Variants in ARID3A observed in about 807,000 individuals in gnomAD.
ARID3A encodes AT-rich interactive domain-containing protein 3A.
In ARID3A, 11 loss-of-function variants were observed where a neutral mutation model predicts 52.7. The observed-to-expected ratio is 0.21, with a 90% CI of 0.13 to 0.35. The LOEUF (loss-of-function observed/expected upper bound fraction) is 0.35, where lower values mean the gene tolerates loss of function less well. ARID3A is among the 10% of genes least tolerant of loss of function. The pLI, the probability that ARID3A is intolerant of heterozygous loss-of-function variation, is 1.00. For synonymous variants in ARID3A, 404 were observed against 359.4 expected (o/e 1.12, Z -1.40); for missense variants, 721 against 838.5 (o/e 0.86, Z 1.73).
chr19:939,891 C>T (rs986374840), intron 3 of ARID3A, among the ~76,000 whole-genome samples: 3 of 152,066 alleles, frequency 2.0e-5, no homozygotes, highest in East Asian at 1.9e-4. Flanking sequence ...ATCGGCAACA[C>T]GTTTTCTTCG....
chr19:963,924 G>T (rs925640160), intron 4 of ARID3A, among the ~76,000 whole-genome samples: 6 of 152,204 alleles, frequency 3.9e-5, no homozygotes, highest in African/African-American at 1.4e-4. Context: ...TGTGTGGCGT[G>T]GAGAAGGAAT....
In ARID3A at chr19:974,271, G is replaced by A. The variant is rs541409286; in HGVS notation, c.*2206G>A. ...CTTCCTTCTCGGATCTCAGGGCCGT[G>A]GACACACACCCCCTTTCCAGGAGGG... On this transcript the variant is annotated 3_prime_UTR_variant, in exon 9 of 9. Transcript: ENST00000263620. 1 of 228,158 alleles carries A rather than the reference G, an allele frequency of 4.4e-6. No homozygotes were observed. Among genetic ancestry groups the A allele is most frequent in the East Asian group, 6.2e-5 (1 of 16,024 alleles). The allele number at this position is 228,158 out of a possible 1,614,324, so 14.1% of individuals were successfully genotyped here.
intron 3 of ARID3A, among the ~76,000 whole-genome samples, chr19:937,271 C>T (rs561048145): frequency 6.6e-6 from 1 of 152,248 alleles, no homozygotes; most frequent in East Asian, 1.9e-4. Context: ...CTCAGAAAAA[C>T]AAGAACAAAG....
chr19:958,536 T>G (rs1027930235), intron 3 of ARID3A, among the ~76,000 whole-genome samples: 1 of 152,128 alleles, frequency 6.6e-6, no homozygotes, highest in Non-Finnish European at 1.5e-5. Flanking sequence ...GGGAACTTAC[T>G]GACATACAAT....
chr19:932,398 C>G lies in ARID3A; in HGVS notation c.369-20C>G. On this transcript the variant is annotated intron_variant, in intron 2 of 8. Coordinates refer to ENST00000263620, the MANE Select transcript of ARID3A (RefSeq NM_005224.3). ...GAGCCAGCACCTTCTCCCCTGACTC[C>G]TGCCCTCTGCTCACCCCAGGAAGCC... The G allele has an allele frequency of 8.2e-6, 13 of 1,593,074 alleles. No individual in the cohort carries two copies. The highest frequency in any genetic ancestry group is 1.1e-5 in the Non-Finnish European group (13 of 1,174,672).
At chr19:957,114 G>T (rs553640273) in intron 3 of ARID3A, among the ~76,000 whole-genome samples, 2 of 904 alleles carry the variant, frequency 2.2e-3, no homozygotes, top group African/African-American at 4.5e-3. Context: ...ACCTGTGGGT[G>T]GGGGGGGGCG....
chr19:968,044 CAA>C (rs34215155), intron 7 of ARID3A, among the ~76,000 whole-genome samples: 1 of 123,528 alleles, frequency 8.1e-6, no homozygotes, highest in Non-Finnish European at 1.6e-5. Context: ...GACTCCGTCT[CAA>C]AAAAAAAAAA....
chr19:933,065 T>C (rs903240395), intron 3 of ARID3A, among the ~76,000 whole-genome samples: 1 of 152,024 alleles, frequency 6.6e-6, no homozygotes, highest in Non-Finnish European at 1.5e-5. Flanking sequence ...CGGCCCGAGC[T>C]GGGCTTGGGT....
rs1568355573 is a variant in ARID3A, at chr19:932,512, G to A, written c.463G>A (p.Asp155Asn). 2 of 1,543,504 alleles carry A rather than the reference G, an allele frequency of 1.3e-6. No homozygotes were observed. The highest frequency in any genetic ancestry group is 2.3e-5 in the Admixed American group (1 of 44,246). ...EDYEDEEEEE[D>N]EEGLGPPGPA... Reference sequence around the variant, plus strand: ...TTACGAGGATGAGGAGGAGGAGGAGGACGAGGAGGGGCTGGGCCCCCCAGG... The same window carrying A: ...TTACGAGGATGAGGAGGAGGAGGAGAACGAGGAGGGGCTGGGCCCCCCAGG... Residue 155 changes from aspartate (D) to asparagine (N), a missense_variant, in exon 3 of 9, where the codon GAC (aspartate) becomes AAC (asparagine). Physicochemically the swap from Asp to Asn is conservative, Grantham distance 23 (BLOSUM62 1). Around this residue, in one of 5 missense-constraint regions of ARID3A, gnomAD observed 349 missense variants for 297.3 expected, o/e 1.17. Coordinates refer to ENST00000263620, the MANE Select transcript of ARID3A (RefSeq NM_005224.3).
At position 950,915 on chromosome 19, in the gene ARID3A, C is replaced by T. The variant is rs372200951; in HGVS notation, c.694-9177C>T. Among the ~76,000 whole-genome samples the T allele has an allele frequency of 2.5e-3, 384 of 152,138 alleles. 1 individual carries two copies. The highest frequency in any genetic ancestry group is 8.8e-3 in the African/African-American group (364 of 41,534). ...TCAGCTCACCACAACCTCTGCCTCC[C>T]GGGTTCAAACTATTCTCCTGCCTCA... is the stretch of plus-strand genomic sequence containing the variant. On this transcript the variant is annotated intron_variant, in intron 3 of 8. Transcript: ENST00000263620.
In ARID3A at chr19:973,360, C is replaced by A; in HGVS notation, c.*1295C>A. The stretch of plus-strand genomic sequence containing the variant: ...AACTCCTGACCTCAGGTGATCTGCC[C>A]GCCTTGGCCTCCCAAAGTGCTGGGA... On this transcript the variant is annotated 3_prime_UTR_variant, in exon 9 of 9. Transcript: ENST00000263620. The A allele has an allele frequency of 5.5e-6, 1 of 181,990 alleles. No individual in the cohort carries two copies. Among genetic ancestry groups the A allele is most frequent in the Non-Finnish European group, 1.2e-5 (1 of 85,444 alleles). 11.3% of individuals were successfully genotyped at this position (181,990 alleles called of 1,614,324 possible).
intron 6 of ARID3A, 121 bp downstream of exon 6, chr19:965,201 TG>T: frequency 1.7e-6 from 2 of 1,199,782 alleles, no homozygotes; most frequent in Non-Finnish European, 2.3e-6. Flanking sequence ...ATAGTTGGCA[TG>T]GAAAAGGGCT....
intron 1 of ARID3A, among the ~76,000 whole-genome samples, chr19:926,591 C>G (rs1299157413): frequency 6.6e-6 from 1 of 151,790 alleles, no homozygotes; most frequent in Admixed American, 6.5e-5. Context: ...TAGTTCCCGG[C>G]GAGCCTCCCC....
rs2037578701 is a variant in ARID3A at position 942,526 on chromosome 19, G to C, written c.693+9784G>C. Among the ~76,000 whole-genome samples the C allele has an allele frequency of 6.6e-6, 1 of 152,250 alleles. No homozygotes were observed. The highest frequency in any genetic ancestry group is 2.1e-4 in the South Asian group (1 of 4,838). On this transcript the variant is annotated intron_variant, in intron 3 of 8. Coordinates refer to ENST00000263620, the MANE Select transcript of ARID3A (RefSeq NM_005224.3). This position sits in a 1 kb window ranked among gnomAD's most constrained non-coding sequence, Gnocchi z 8.1. ...GCCAGAGGACAATTGGGGGTCACAG[G>C]GTTAAACGCTGACTAATCTGGCCAT...
At chr19:971,486 T>A (rs978680520) in intron 8 of ARID3A, among the ~76,000 whole-genome samples, 1 of 151,936 alleles carries the variant, frequency 6.6e-6, no homozygotes, top group African/African-American at 2.4e-5. Flanking sequence ...GGCAGGCGCC[T>A]GTAGTTAGTC....
rs1377507921 is a variant in ARID3A at position 942,427 on chromosome 19, C to G, written c.693+9685C>G. ...CCGGGAGCCGGGCCGGGAGCCGCTGCGGTGCCGACCTGGTGGGTGGCACAC... is the reference window on the plus strand; with the variant it reads ...CCGGGAGCCGGGCCGGGAGCCGCTGGGGTGCCGACCTGGTGGGTGGCACAC... On this transcript the variant is annotated intron_variant, in intron 3 of 8. Coordinates refer to ENST00000263620, the MANE Select transcript of ARID3A (RefSeq NM_005224.3). The surrounding 1 kb of genome is among the most constrained non-coding windows in gnomAD (Gnocchi z 8.1). Among the ~76,000 whole-genome samples the G allele has an allele frequency of 2.6e-5, 4 of 152,198 alleles. No homozygotes were observed. The highest frequency in any genetic ancestry group is 5.9e-5 in the Non-Finnish European group (4 of 68,022).
chr19:926,350 G>T (rs1401591150), intron 1 of ARID3A, among the ~76,000 whole-genome samples: 1 of 151,710 alleles, frequency 6.6e-6, no homozygotes, highest in Non-Finnish European at 1.5e-5. Flanking sequence ...GGCGGGCTGG[G>T]GTTCGGGGAG....
intron 2 of ARID3A, among the ~76,000 whole-genome samples, chr19:930,791 G>A (rs1460950570): frequency 6.6e-6 from 1 of 151,628 alleles, no homozygotes; most frequent in African/African-American, 2.4e-5. Flanking sequence ...TTACAGGCGT[G>A]AGCCACCACA....
chr19:968,550 C>T (rs781508980), intron 8 of ARID3A, 47 bp downstream of exon 8: 38 of 1,574,388 alleles, frequency 2.4e-5, no homozygotes, highest in African/African-American at 4.1e-5. Context: ...CCTCTCCCGC[C>T]GCCGTGAACT....
Sources: gnomAD v4.1 joint callset for allele counts (sites outside exome capture counted in the v4.1 genomes callset) on GRCh38, gnomAD v4.1.1 for gene constraint, gnomAD v4.1.1 regional missense constraint, Gnocchi (gnomAD v3.1) non-coding constraint, MANE v1.5 for transcripts, NCBI Gene and HGNC (gene_info 2026-07-23, HGNC 2026-07-21) for gene names.